Variants in UGGT2 observed in about 807,000 individuals in gnomAD.
UGGT2 encodes the protein UDP-glucose glycoprotein glucosyltransferase 2.
A neutral mutation model predicts 192.1 loss-of-function variants in UGGT2; 180 were observed. The observed-to-expected ratio is 0.94, with a 90% CI of 0.83 to 1.06. The LOEUF (loss-of-function observed/expected upper bound fraction) is 1.06. Among genes scored for constraint, UGGT2 ranks in the 50% least tolerant of loss-of-function variants. UGGT2 has a pLI of 0.00. For missense variants in UGGT2, 1,849 were observed against 1,795.7 expected, an observed-to-expected ratio of 1.03 and a Z score of -0.54; for synonymous variants, 580 against 591.0, an observed-to-expected ratio of 0.98 and a Z score of 0.27.
At chr13:95,871,937 T>C (rs1259328257) in intron 29 of UGGT2, among the ~76,000 whole-genome samples, 1 of 150,420 alleles carries the variant, frequency 6.6e-6, no homozygotes, top group Non-Finnish European at 1.5e-5. Context: ...GGAGAAAGAA[T>C]GGAAAGCCTT....
Position 95,877,303 on chromosome 13 carries a change from G to A in UGGT2, c.3449C>T (p.Ser1150Phe). 6.9e-6 allele frequency: 11 copies of A among 1,601,688 alleles called. No homozygotes were observed. The highest frequency in any genetic ancestry group is 9.4e-6 in the Non-Finnish European group (11 of 1,175,562). The part of the protein sequence containing the change: ...AWILRLHQGK[S>F]EDIYQIVGHE... ...CCCAACTATTTGATAAATATCTTCA[G>A]ATTTTCCTTGGTGTAACCTCAGTAT... Residue 1150 changes from serine (S) to phenylalanine (F), a missense_variant, in exon 29 of 39, where the codon TCT (serine) becomes TTT (phenylalanine). Transcript: ENST00000376747.
chr13:95,900,829 AT>A lies in UGGT2; in HGVS notation c.2611del (p.Met871TrpfsTer10). On this transcript the variant is annotated frameshift_variant, in exon 22 of 39. Transcript: ENST00000376747. LOFTEE classifies it high-confidence loss of function. ...TACTCTCCCATTGCTGACAATACCC[AT>A]TTCTCCAGGACGTAATTTAAGTACA... ...QDVLKLRPGE[M>X]GIVSNGRFLG... The A allele has an allele frequency of 6.2e-7, 1 of 1,610,758 alleles. No individual in the cohort carries two copies. Among genetic ancestry groups the A allele is most frequent in the Admixed American group, 1.7e-5 (1 of 59,270 alleles).
intron 38 of UGGT2, among the ~76,000 whole-genome samples, chr13:95,822,656 G>A (rs891676699): frequency 2.6e-5 from 4 of 151,898 alleles, no homozygotes. Flanking sequence ...TGTTTGTGAT[G>A]TCTCCGGTTT....
In UGGT2 at chr13:95,970,225, T is replaced by C. The variant is rs1403572632; in HGVS notation, c.1222A>G (p.Asn408Asp). ...TTGATCCCAAGATTGCGAAGGCCAT[T>C]CATCATTTTTCCTTCTAATTTCAGC... The part of the protein sequence containing the change: ...DMLKLEGKMM[N>D]GLRNLGINGE... Residue 408 changes from asparagine to aspartate, a missense_variant, in exon 12 of 39, where the codon AAT becomes GAT. Physicochemically the swap from Asn to Asp is conservative, Grantham distance 23 (BLOSUM62 1). Transcript: ENST00000376747. 1.1e-5 allele frequency: 17 copies of C among 1,612,912 alleles called. No individual in the cohort carries two copies. Among genetic ancestry groups the C allele is most frequent in the Non-Finnish European group, 1.4e-5 (16 of 1,179,294 alleles).
chr13:95,814,899 T>C (rs572751986), intron 38 of UGGT2, among the ~76,000 whole-genome samples: 4 of 152,308 alleles, frequency 2.6e-5, no homozygotes, highest in Non-Finnish European at 4.4e-5. Flanking sequence ...GTAGACTTTA[T>C]CTCAGAAATA....
chr13:95,845,333 A>G (rs540147530), intron 36 of UGGT2, among the ~76,000 whole-genome samples: 4 of 135,102 alleles, frequency 3.0e-5, no homozygotes, highest in Non-Finnish European at 4.9e-5. Flanking sequence ...CGCCTTCCGC[A>G]GTGTTTGTGT....
intron 27 of UGGT2, among the ~76,000 whole-genome samples, chr13:95,881,162 G>A (rs1016168561): frequency 6.6e-6 from 1 of 152,146 alleles, no homozygotes; most frequent in Non-Finnish European, 1.5e-5. Flanking sequence ...CTGCACTCCA[G>A]TCTGGGCAAC....
At chr13:96,044,309 G>A (rs990592198) in intron 1 of UGGT2, among the ~76,000 whole-genome samples, 5 of 152,080 alleles carry the variant, frequency 3.3e-5, no homozygotes, top group Admixed American at 6.6e-5. Context: ...TTTTTGAACC[G>A]AACAACAACA....
At chr13:96,039,557 CTAGTTG>C (rs1222464669) in intron 1 of UGGT2, among the ~76,000 whole-genome samples, 1 of 152,202 alleles carries the variant, frequency 6.6e-6, no homozygotes, top group Non-Finnish European at 1.5e-5. Context: ...ACTGAGTTTC[CTAGTTG>C]TAACACTCTT....
chr13:96,001,532 T>A (rs2051805019), intron 5 of UGGT2, among the ~76,000 whole-genome samples: 1 of 152,126 alleles, frequency 6.6e-6, no homozygotes, highest in African/African-American at 2.4e-5. Flanking sequence ...GGTGGTCTCT[T>A]CACACGGACG....
intron 4 of UGGT2, among the ~76,000 whole-genome samples, chr13:96,015,116 A>G (rs888218615): frequency 1.3e-5 from 2 of 151,930 alleles, no homozygotes; most frequent in Non-Finnish European, 2.9e-5. Context: ...GTCTGTACCA[A>G]AAATACAAAA....
At position 95,996,216 on chromosome 13, in the gene UGGT2, A is replaced by C. The variant is rs541230161; in HGVS notation, c.758-81T>G. 178 of 1,343,108 alleles carry C rather than the reference A, an allele frequency of 1.3e-4. No individual in the cohort carries two copies. In the South Asian group the frequency reaches 1.8e-3, roughly 13 times the overall value. 83.2% of individuals were successfully genotyped at this position (1,343,108 alleles called of 1,614,324 possible). On this transcript the variant is annotated intron_variant, in intron 6 of 38. Transcript: ENST00000376747. ...GAACATGTAATCAAAAATTAGAAGA[A>C]CTTGGCCAGGTGCGGCAGCTCATGC...
chr13:95,833,433 C>T (rs1886945905), intron 37 of UGGT2, among the ~76,000 whole-genome samples: 1 of 152,060 alleles, frequency 6.6e-6, no homozygotes. Flanking sequence ...CATCTCGGTT[C>T]TCAGGGTTCC....
intron 1 of UGGT2, among the ~76,000 whole-genome samples, chr13:96,046,682 C>T (rs376786270): frequency 2.0e-5 from 3 of 152,188 alleles, no homozygotes; most frequent in East Asian, 1.9e-4. Flanking sequence ...TCGCCTCACC[C>T]GGAAAGTGCA....
At chr13:95,935,797 A>C (rs1440746302) in intron 17 of UGGT2, among the ~76,000 whole-genome samples, 1 of 152,098 alleles carries the variant, frequency 6.6e-6, no homozygotes, top group African/African-American at 2.4e-5. Flanking sequence ...CTTTAACATA[A>C]TCCCGTATTT....
chr13:96,031,010 A>G (rs981082184), intron 2 of UGGT2, among the ~76,000 whole-genome samples: 8 of 152,234 alleles, frequency 5.3e-5, no homozygotes, highest in African/African-American at 1.2e-4. Flanking sequence ...CATAGAACGT[A>G]TAACAGCAAG....
intron 15 of UGGT2, among the ~76,000 whole-genome samples, chr13:95,942,230 GTGTGTGTGTGT>G (rs1301297412): frequency 0.037 from 1,740 of 47,118 alleles, 46 homozygotes; most frequent in African/African-American, 0.085. Context: ...GGGTGTGTGT[GTGTGTGTGTGT>G]GTGTGTGTGT....
chr13:95,936,056 C>G (rs2049453005), intron 17 of UGGT2, among the ~76,000 whole-genome samples: 1 of 152,082 alleles, frequency 6.6e-6, no homozygotes, highest in South Asian at 2.1e-4. Flanking sequence ...TCAAACTCAT[C>G]AGCTCAAGTG....
chr13:95,994,552 G>C (rs2051557831), intron 7 of UGGT2, among the ~76,000 whole-genome samples: 1 of 151,322 alleles, frequency 6.6e-6, no homozygotes, highest in Non-Finnish European at 1.5e-5. Context: ...TTTTATTCAT[G>C]TTTAACAAAC....
Sources: gnomAD v4.1 joint callset for allele counts (sites outside exome capture counted in the v4.1 genomes callset) on GRCh38, gnomAD v4.1.1 for gene constraint, MANE v1.5 for transcripts, NCBI Gene and HGNC (gene_info 2026-07-23, HGNC 2026-07-21) for gene names.